DLC1: variants seen among roughly 807,000 people sequenced by gnomAD.
DLC1 encodes the protein DLC1 Rho GTPase activating protein.
In DLC1, 54 loss-of-function variants were observed where a neutral mutation model predicts 140.3. The ratio of observed to expected loss-of-function variants is 0.38; its 90% CI spans 0.31 to 0.48. DLC1 has a LOEUF of 0.48. Among genes scored for constraint, DLC1 ranks in the 20% least tolerant of loss-of-function variants. The probability of loss-of-function intolerance (pLI) is 0.96; values close to 1 mark genes in which losing one functional copy is unlikely to be tolerated. For missense variants in DLC1, 2,536 were observed against 1,907.0 expected (o/e 1.33, Z -6.14); for synonymous variants, 986 against 728.1 (o/e 1.35, Z -5.70).
At chr8:13,283,229 G>A (rs1451479874) in intron 5 of DLC1, among the ~76,000 whole-genome samples, 1 of 151,778 alleles carries the variant, frequency 6.6e-6, no homozygotes, top group Non-Finnish European at 1.5e-5. Context: ...GTGTCAACTA[G>A]CTTGAATGTT....
At chr8:13,522,097 C>T (rs1201348331) in intron 1 of DLC1, among the ~76,000 whole-genome samples, 4 of 152,106 alleles carry the variant, frequency 2.6e-5, no homozygotes, top group Non-Finnish European at 5.9e-5. Flanking sequence ...GAACTTTATA[C>T]CTACGACTTC....
At chr8:13,259,139 GAAAAAAA>G (rs776038964) in intron 5 of DLC1, among the ~76,000 whole-genome samples, 31 of 66,644 alleles carry the variant, frequency 4.7e-4, no homozygotes, top group African/African-American at 1.1e-3. Context: ...TCCGTCTCAA[GAAAAAAA>G]AAAAAAAAAA....
chr8:13,111,200 G>A lies in DLC1; in HGVS notation c.1421-377C>T, dbSNP rs562962573. On this transcript the variant is annotated intron_variant, in intron 6 of 17. Transcript: ENST00000276297. ...ATGTGGCTGGGCTGTGTGTATGTGT[G>A]TGTGTCTTTGCTCACGTGTGATCAG... 2.6e-5 allele frequency among the ~76,000 whole-genome samples: 4 copies of A among 152,292 alleles called. No individual in the cohort carries two copies. The East Asian group carries it at 7.7e-4, about 29-fold the overall frequency.
chr8:13,198,800 C>A (rs920985298), intron 5 of DLC1, among the ~76,000 whole-genome samples: 20 of 151,724 alleles, frequency 1.3e-4, no homozygotes, highest in Non-Finnish European at 4.4e-5. Context: ...CACTGCAACC[C>A]CTACCTCCTG....
intron 5 of DLC1, among the ~76,000 whole-genome samples, chr8:13,202,213 G>C (rs1055016773): frequency 6.6e-6 from 1 of 151,964 alleles, no homozygotes. Context: ...TAAAGTGCTG[G>C]GATTACAGGT....
intron 5 of DLC1, among the ~76,000 whole-genome samples, chr8:13,213,774 T>A (rs761504960): frequency 1.2e-4 from 18 of 151,786 alleles, no homozygotes; most frequent in Non-Finnish European, 2.2e-4. Flanking sequence ...GTGTTTATGT[T>A]ATGTTTGTTT....
intron 4 of DLC1, among the ~76,000 whole-genome samples, chr8:13,388,972 C>T (rs1836638268): frequency 6.6e-6 from 1 of 151,948 alleles, no homozygotes; most frequent in African/African-American, 2.4e-5. Flanking sequence ...TATATTAATT[C>T]TGAATCCAGG....
chr8:13,505,637 C>T (rs1204343252), intron 1 of DLC1, among the ~76,000 whole-genome samples: 1 of 152,146 alleles, frequency 6.6e-6, no homozygotes, highest in Non-Finnish European at 1.5e-5. Context: ...AGCATCCCCT[C>T]GCAATTACAC....
intron 16 of DLC1, 145 bp from the exon 17 acceptor site, chr8:13,086,608 T>A: frequency 1.2e-6 from 1 of 802,426 alleles, no homozygotes; most frequent in South Asian, 1.8e-5. Flanking sequence ...GTAAATGGCA[T>A]CCTCTAAACT....
intron 1 of DLC1, among the ~76,000 whole-genome samples, chr8:13,554,624 A>G (rs1258550999): frequency 6.6e-6 from 1 of 151,878 alleles, no homozygotes; most frequent in Admixed American, 6.6e-5. Flanking sequence ...TCATTCCCAA[A>G]CCCTCTAAGA....
chr8:13,590,077 A>ATATATCTC (rs11272767), intron 1 of DLC1, among the ~76,000 whole-genome samples: 2 of 145,192 alleles, frequency 1.4e-5, no homozygotes, highest in African/African-American at 5.3e-5. Flanking sequence ...ATATATATAT[A>ATATATCTC]CAAACACATG....
intron 5 of DLC1, among the ~76,000 whole-genome samples, chr8:13,265,759 C>G (rs1830662317): frequency 6.6e-6 from 1 of 151,236 alleles, no homozygotes; most frequent in Non-Finnish European, 1.5e-5. Flanking sequence ...TTTCCTCCCT[C>G]CCTCATTCCT....
At chr8:13,389,168 C>A (rs570486111) in intron 4 of DLC1, among the ~76,000 whole-genome samples, 3 of 152,046 alleles carry the variant, frequency 2.0e-5, no homozygotes, top group African/African-American at 7.2e-5. Flanking sequence ...TGGCTCTTTT[C>A]TTCATAAATA....
intron 2 of DLC1, among the ~76,000 whole-genome samples, chr8:13,443,487 G>A (rs574663218): frequency 1.7e-3 from 252 of 151,202 alleles, no homozygotes; most frequent in African/African-American, 5.2e-3. Flanking sequence ...GTGAAACCCC[G>A]TCTCTACTAA....
intron 3 of DLC1, among the ~76,000 whole-genome samples, chr8:13,400,652 A>T (rs535048879): frequency 6.6e-6 from 1 of 152,192 alleles, no homozygotes; most frequent in Admixed American, 6.5e-5. Flanking sequence ...AAATTTATAT[A>T]TATGATTTTC....
At chr8:13,399,615 G>C (rs1837210336) in intron 3 of DLC1, among the ~76,000 whole-genome samples, 1 of 152,082 alleles carries the variant, frequency 6.6e-6, no homozygotes, top group Non-Finnish European at 1.5e-5. Flanking sequence ...TGAGTGCCTG[G>C]GTAAAACCAG....
chr8:13,596,610 A>G (rs977239505), intron 1 of DLC1, among the ~76,000 whole-genome samples: 8 of 152,038 alleles, frequency 5.3e-5, no homozygotes, highest in Admixed American at 2.6e-4. Flanking sequence ...GTGAGCTTAG[A>G]AAGGAGGCAG....
chr8:13,410,332 C>T (rs1214115733), intron 2 of DLC1, among the ~76,000 whole-genome samples: 2 of 152,052 alleles, frequency 1.3e-5, no homozygotes, highest in Non-Finnish European at 2.9e-5. Context: ...AGTAAGAATG[C>T]TTGTTATCAC....
intron 2 of DLC1, among the ~76,000 whole-genome samples, chr8:13,453,130 A>G (rs1799145090): frequency 6.6e-6 from 1 of 151,486 alleles, no homozygotes; most frequent in African/African-American, 2.4e-5. Flanking sequence ...CAGCATTTTC[A>G]TCAGGATCAA....
Sources: allele counts gnomAD v4.1 joint callset (sites outside exome capture counted in the v4.1 genomes callset), GRCh38; gene constraint gnomAD v4.1.1; transcripts MANE v1.5; gene names NCBI Gene and HGNC (gene_info 2026-07-23, HGNC 2026-07-21).